Variants in SPICE1 observed in about 807,000 individuals in gnomAD.
The protein encoded by SPICE1 is spindle and centriole associated protein 1.
Under a neutral mutation model 102.7 loss-of-function variants are expected in SPICE1, and 75 were observed. The ratio of observed to expected loss-of-function variants is 0.73; its 90% CI spans 0.61 to 0.88. SPICE1 has a LOEUF of 0.88. SPICE1 is among the 40% of genes least tolerant of loss of function. SPICE1 has a pLI of 0.00. For missense variants in SPICE1, 979 were observed against 1,020.1 expected (o/e 0.96, Z 0.55); for synonymous variants, 308 against 350.3 (o/e 0.88, Z 1.35).
chr3:113,503,045 TTA>T (rs1196427809), intron 3 of SPICE1, 133 bp downstream of exon 3: 1 of 860,124 alleles, frequency 1.2e-6, no homozygotes, highest in Admixed American at 3.1e-5. Flanking sequence ...CGTTTTGATT[TTA>T]TATAGACATA....
rs760068541 is a variant in SPICE1 at position 113,468,210 on chromosome 3, T to A, written c.1084A>T (p.Ser362Cys). The A allele has an allele frequency of 1.9e-6, 3 of 1,614,190 alleles. No individual in the cohort carries two copies. In the East Asian group the frequency reaches 6.7e-5, roughly 36 times the overall value. The change falls in exon 10 of 18, where the codon AGT becomes TGT. Residue 362 changes from serine to cysteine, a missense_variant. By Grantham distance (112) the Ser-to-Cys change is moderately radical (BLOSUM62 -1). Transcript: ENST00000295872. ...AAAGTGAAGCCTGTAAGACCCTGAC[T>A]GCTCTGCAGACCCTTGACCTCGCGA... ...TGREVKGLQS[S>C]QGLTGFTLSL...
rs556393177 is a variant in SPICE1, at chr3:113,480,372, G to A, written c.611+8573C>T. Among the ~76,000 whole-genome samples the A allele has an allele frequency of 9.2e-5, 14 of 152,188 alleles. No individual in the cohort carries two copies. In the South Asian group the frequency reaches 1.7e-3, roughly 18 times the overall value. ...GATGGTTCTTATGAAATCAAGTACC[G>A]CATTGTTACTTCAATCTGATAAAGG... is the stretch of plus-strand genomic sequence containing the variant. On this transcript the variant is annotated intron_variant, in intron 7 of 17. Transcript: ENST00000295872.
chr3:113,447,078 C>A (rs1935534572), intron 16 of SPICE1, among the ~76,000 whole-genome samples: 1 of 152,142 alleles, frequency 6.6e-6, no homozygotes, highest in Non-Finnish European at 1.5e-5. Context: ...TCTCTTGCTG[C>A]CACCATGTTA....
intron 3 of SPICE1, among the ~76,000 whole-genome samples, chr3:113,502,400 T>C (rs757193353): frequency 5.9e-5 from 9 of 152,070 alleles, no homozygotes; most frequent in Non-Finnish European, 1.3e-4. Flanking sequence ...AAAGGCCACG[T>C]GTTGTATTCC....
At chr3:113,496,192 T>C (rs1936881547) in intron 4 of SPICE1, among the ~76,000 whole-genome samples, 1 of 151,900 alleles carries the variant, frequency 6.6e-6, no homozygotes, top group Non-Finnish European at 1.5e-5. Flanking sequence ...CCCTGTTTAG[T>C]CCCTGCCCTT....
chr3:113,505,835 G>A (rs1237510329), intron 2 of SPICE1, among the ~76,000 whole-genome samples: 1 of 152,122 alleles, frequency 6.6e-6, no homozygotes, highest in Non-Finnish European at 1.5e-5. Flanking sequence ...GAGTCCAGGA[G>A]TTTAAGGCTG....
intron 12 of SPICE1, 47 bp downstream of exon 12, chr3:113,460,570 C>T (rs1199699566): frequency 1.1e-5 from 17 of 1,555,788 alleles, no homozygotes; most frequent in Non-Finnish European, 1.5e-5. Flanking sequence ...TTATCTAAGG[C>T]CATTAAGTAG....
At chr3:113,477,332 TTGG>T (rs1936376910) in intron 7 of SPICE1, among the ~76,000 whole-genome samples, 1 of 152,068 alleles carries the variant, frequency 6.6e-6, no homozygotes, top group African/African-American at 2.4e-5. Flanking sequence ...TTTTACACTG[TTGG>T]TGGGACTGTA....
At chr3:113,509,696 C>T (rs1937181142) in intron 1 of SPICE1, among the ~76,000 whole-genome samples, 1 of 152,128 alleles carries the variant, frequency 6.6e-6, no homozygotes. Context: ...CTTAGAACCC[C>T]TGCTGATATG....
At chr3:113,469,772 C>T (rs1936153091) in intron 7 of SPICE1, among the ~76,000 whole-genome samples, 1 of 152,088 alleles carries the variant, frequency 6.6e-6, no homozygotes, top group East Asian at 1.9e-4. Context: ...CTACCTTGGT[C>T]CCTAACATAG....
intron 7 of SPICE1, among the ~76,000 whole-genome samples, chr3:113,484,735 C>T (rs1003519624): frequency 6.6e-6 from 1 of 151,644 alleles, no homozygotes; most frequent in African/African-American, 2.4e-5. Context: ...GCACTGTGGT[C>T]GGAGAGACTG....
At chr3:113,446,739 T>G (rs1935524498) in intron 16 of SPICE1, 63 bp from the exon 17 acceptor site, 1 of 1,280,018 alleles carries the variant, frequency 7.8e-7, no homozygotes, top group South Asian at 1.2e-5. Flanking sequence ...TAAAAGATTA[T>G]GCAAACAACT....
chr3:113,510,176 G>A (rs1448365382), intron 1 of SPICE1, among the ~76,000 whole-genome samples: 1 of 152,114 alleles, frequency 6.6e-6, no homozygotes, highest in African/African-American at 2.4e-5. Flanking sequence ...TCAATACAGT[G>A]AAAATAGCCA....
intron 7 of SPICE1, among the ~76,000 whole-genome samples, chr3:113,470,731 G>A (rs1386094316): frequency 6.6e-6 from 1 of 152,214 alleles, no homozygotes; most frequent in African/African-American, 2.4e-5. Context: ...CAGAGCCACA[G>A]GCACAGAGGG....
chr3:113,467,472 A>G (rs1936087325), intron 10 of SPICE1, among the ~76,000 whole-genome samples: 1 of 152,110 alleles, frequency 6.6e-6, no homozygotes, highest in African/African-American at 2.4e-5. Flanking sequence ...TTGTATTTTT[A>G]GTAGAGACAA....
intron 11 of SPICE1, among the ~76,000 whole-genome samples, chr3:113,465,126 G>A: frequency 6.6e-6 from 1 of 151,450 alleles, no homozygotes; most frequent in East Asian, 1.9e-4. Context: ...AGTTCACAAA[G>A]GAAGAATGCT....
chr3:113,513,149 G>C (rs149732139), intron 1 of SPICE1, among the ~76,000 whole-genome samples: 15 of 152,244 alleles, frequency 9.9e-5, no homozygotes, highest in African/African-American at 1.9e-4. Flanking sequence ...GCTCGCATCT[G>C]TAATCCCAGC....
intron 10 of SPICE1, among the ~76,000 whole-genome samples, chr3:113,467,357 T>C (rs1029214154): frequency 6.6e-6 from 1 of 152,304 alleles, no homozygotes; most frequent in East Asian, 1.9e-4. Flanking sequence ...AGTGGCGCGA[T>C]CTCGGCTCAC....
At position 113,446,739 on chromosome 3, in the gene SPICE1, T is replaced by C. The variant is rs1935524498; in HGVS notation, c.2427-63A>G. On this transcript the variant is annotated intron_variant, in intron 16 of 17. Transcript: ENST00000295872. ...TATCATTATTAACCTTAAAAGATTATGCAAACAACTGACAATTCTCAATAC... is the reference window on the plus strand; with the variant it reads ...TATCATTATTAACCTTAAAAGATTACGCAAACAACTGACAATTCTCAATAC... The C allele has an allele frequency of 8.6e-6, 11 of 1,280,136 alleles. No homozygotes were observed. In the South Asian group the frequency reaches 1.1e-4, roughly 13 times the overall value. 79.3% of individuals were successfully genotyped at this position (1,280,136 alleles called of 1,614,324 possible). A position where few individuals can be genotyped will look rare whatever the true frequency, so the allele number is the denominator to read the frequency against.
Sources: gnomAD v4.1 joint callset for allele counts (sites outside exome capture counted in the v4.1 genomes callset) on GRCh38, gnomAD v4.1.1 for gene constraint, MANE v1.5 for transcripts, NCBI Gene and HGNC (gene_info 2026-07-23, HGNC 2026-07-21) for gene names.